RCAN2: variants seen among roughly 807,000 people sequenced by gnomAD.
The protein encoded by RCAN2 is regulator of calcineurin 2.
In RCAN2, 9 loss-of-function variants were observed where a neutral mutation model predicts 23.6. The ratio of observed to expected loss-of-function variants is 0.38; its 90% CI spans 0.23 to 0.67. The LOEUF (loss-of-function observed/expected upper bound fraction) is 0.67. RCAN2 is among the 30% of genes least tolerant of loss of function. The probability of loss-of-function intolerance (pLI) is 0.51; values close to 1 mark genes in which losing one functional copy is unlikely to be tolerated. For synonymous variants in RCAN2, 109 were observed against 115.7 expected (o/e 0.94, Z 0.37); for missense variants, 273 against 302.3 (o/e 0.90, Z 0.72).
At chr6:46,227,202 A>T (rs1765701448) in intron 4 of RCAN2, among the ~76,000 whole-genome samples, 1 of 152,292 alleles carries the variant, frequency 6.6e-6, no homozygotes, top group East Asian at 1.9e-4. Flanking sequence ...TATTTAATTG[A>T]GGATTTTTGC....
chr6:46,465,440 C>G (rs193113795), intron 1 of RCAN2, among the ~76,000 whole-genome samples: 35 of 152,214 alleles, frequency 2.3e-4, no homozygotes, highest in Admixed American at 1.1e-3. Flanking sequence ...GGGCAGGGTA[C>G]AGGAAAACCA....
chr6:46,419,058 A>T (rs767227450), intron 2 of RCAN2, among the ~76,000 whole-genome samples: 1 of 152,156 alleles, frequency 6.6e-6, no homozygotes, highest in Non-Finnish European at 1.5e-5. Flanking sequence ...ATTTGGCTAC[A>T]ATCTGTGCTC....
chr6:46,315,764 C>T (rs541185738), intron 2 of RCAN2, among the ~76,000 whole-genome samples: 2 of 152,258 alleles, frequency 1.3e-5, no homozygotes, highest in African/African-American at 4.8e-5. Flanking sequence ...ACTGAGTCAA[C>T]AACAGCAACT....
At chr6:46,362,041 A>G (rs978390276) in intron 2 of RCAN2, among the ~76,000 whole-genome samples, 1 of 152,216 alleles carries the variant, frequency 6.6e-6, no homozygotes, top group African/African-American at 2.4e-5. Flanking sequence ...TTTGAAATTC[A>G]AAGTTTCATT....
At chr6:46,246,433 A>G (rs1035060715) in intron 4 of RCAN2, among the ~76,000 whole-genome samples, 24 of 152,084 alleles carry the variant, frequency 1.6e-4, no homozygotes, top group Admixed American at 5.2e-4. Context: ...TGAGGAAACA[A>G]TTTCCTCCTG....
At position 46,423,298 on chromosome 6, in the gene RCAN2, T is replaced by G. The variant is rs149879918; in HGVS notation, c.225+33454A>C. Among the ~76,000 whole-genome samples, 262 of 152,298 alleles carry G rather than the reference T, an allele frequency of 1.7e-3. 6 individuals are homozygous for G. The South Asian group carries it at 0.044, about 26-fold the overall frequency. The stretch of plus-strand genomic sequence containing the variant: ...GCTTGTCTAAGATCACACTGTTGAT[T>G]ATAGCAGACCAGACCAAGTCTAAAA... On this transcript the variant is annotated intron_variant, in intron 2 of 4. Coordinates refer to ENST00000371374, the MANE Select transcript of RCAN2 (RefSeq NM_001251974.2).
intron 2 of RCAN2, among the ~76,000 whole-genome samples, chr6:46,249,543 C>T (rs1469568922): frequency 6.6e-6 from 1 of 152,064 alleles, no homozygotes; most frequent in Non-Finnish European, 1.5e-5. Context: ...TGGTCTCGAA[C>T]TCCGGACCTC....
chr6:46,420,356 C>T (rs1269930070), intron 2 of RCAN2, among the ~76,000 whole-genome samples: 2 of 152,052 alleles, frequency 1.3e-5, no homozygotes, highest in Non-Finnish European at 2.9e-5. Context: ...GGTTCTGTAT[C>T]TATATAGCAC....
intron 1 of RCAN2, among the ~76,000 whole-genome samples, chr6:46,472,538 G>A (rs1269665026): frequency 6.6e-6 from 1 of 152,162 alleles, no homozygotes; most frequent in Non-Finnish European, 1.5e-5. Flanking sequence ...AGAGGACAGT[G>A]AAGATGTTTA....
chr6:46,416,942 A>G (rs1280162556), intron 2 of RCAN2, among the ~76,000 whole-genome samples: 1 of 152,236 alleles, frequency 6.6e-6, no homozygotes, highest in Non-Finnish European at 1.5e-5. Context: ...TTTTGTCCAA[A>G]AAATTCAATC....
intron 2 of RCAN2, among the ~76,000 whole-genome samples, chr6:46,429,259 T>C (rs983189485): frequency 6.6e-6 from 1 of 152,158 alleles, no homozygotes; most frequent in Non-Finnish European, 1.5e-5. Context: ...GTATAAACAC[T>C]TTTACAGGGT....
At chr6:46,420,808 A>G (rs1766865182) in intron 2 of RCAN2, among the ~76,000 whole-genome samples, 1 of 152,066 alleles carries the variant, frequency 6.6e-6, no homozygotes, top group Admixed American at 6.6e-5. Context: ...CGGCCCCCCA[A>G]ACAGCTGGGA....
chr6:46,472,637 T>C (rs1768594535), intron 1 of RCAN2, among the ~76,000 whole-genome samples: 1 of 152,196 alleles, frequency 6.6e-6, no homozygotes, highest in South Asian at 2.1e-4. Flanking sequence ...TAGCTGCCTC[T>C]CTTTCCAACC....
At chr6:46,458,859 C>T (rs1286728922) in intron 1 of RCAN2, among the ~76,000 whole-genome samples, 1 of 151,864 alleles carries the variant, frequency 6.6e-6, no homozygotes, top group East Asian at 1.9e-4. Context: ...AAAACACTAG[C>T]ATTTTCATTA....
chr6:46,436,070 A>C (rs1767354164), intron 2 of RCAN2, among the ~76,000 whole-genome samples: 1 of 152,240 alleles, frequency 6.6e-6, no homozygotes, highest in African/African-American at 2.4e-5. Flanking sequence ...CTCAGATTTC[A>C]GAAGGTACTC....
chr6:46,351,742 G>A (rs1006987971), intron 2 of RCAN2, among the ~76,000 whole-genome samples: 10 of 152,302 alleles, frequency 6.6e-5, no homozygotes, highest in Admixed American at 5.9e-4. Context: ...AGTCCTAGAT[G>A]GTCCAGGAAG....
At chr6:46,420,054 A>G (rs946394185) in intron 2 of RCAN2, among the ~76,000 whole-genome samples, 1 of 152,176 alleles carries the variant, frequency 6.6e-6, no homozygotes, top group African/African-American at 2.4e-5. Flanking sequence ...ATTTTACTTC[A>G]TTAATATTTT....
At chr6:46,469,944 A>C (rs1768511521) in intron 1 of RCAN2, among the ~76,000 whole-genome samples, 1 of 152,134 alleles carries the variant, frequency 6.6e-6, no homozygotes, top group Non-Finnish European at 1.5e-5. Context: ...ACCATCTTGC[A>C]AGCAGAGAAC....
chr6:46,242,031 C>T lies in RCAN2; in HGVS notation c.571+4717G>A, dbSNP rs72861644. Reference sequence around the variant, plus strand: ...TTAAAATTATGCCTCTCATAATTTTCGGAATATAAACTTGCTCTTGGTATA... The same window carrying T: ...TTAAAATTATGCCTCTCATAATTTTTGGAATATAAACTTGCTCTTGGTATA... On this transcript the variant is annotated intron_variant, in intron 4 of 4. Coordinates refer to ENST00000371374, the MANE Select transcript of RCAN2 (RefSeq NM_001251974.2). Among the ~76,000 whole-genome samples, 1,209 of 152,180 alleles carry T rather than the reference C, an allele frequency of 7.9e-3. 8 individuals carry two copies. The highest frequency in any genetic ancestry group is 0.048 in the Middle Eastern group (14 of 294).
Sources: allele counts gnomAD v4.1 joint callset (sites outside exome capture counted in the v4.1 genomes callset), GRCh38; gene constraint gnomAD v4.1.1; transcripts MANE v1.5; gene names NCBI Gene and HGNC (gene_info 2026-07-23, HGNC 2026-07-21).